PRKG1: variants seen among roughly 807,000 people sequenced by gnomAD.
PRKG1 encodes the protein cGMP-dependent protein kinase 1.
In PRKG1, 35 loss-of-function variants were observed where a neutral mutation model predicts 88.1. That is an observed-to-expected ratio of 0.40 (90% CI 0.30 to 0.53). The LOEUF (loss-of-function observed/expected upper bound fraction) is 0.53, where lower values mean the gene tolerates loss of function less well. Among genes scored for constraint, PRKG1 ranks in the 20% least tolerant of loss-of-function variants. The pLI, the probability that PRKG1 is intolerant of heterozygous loss-of-function variation, is 0.59. For missense variants in PRKG1, 540 were observed against 839.8 expected, an observed-to-expected ratio of 0.64 and a Z score of 4.41; for synonymous variants, 303 against 292.5, an observed-to-expected ratio of 1.04 and a Z score of -0.37.
At chr10:51,914,951 C>A (rs139394896) in intron 5 of PRKG1, among the ~76,000 whole-genome samples, 92 of 152,282 alleles carry the variant, frequency 6.0e-4, no homozygotes, top group African/African-American at 2.2e-3. Flanking sequence ...CATATTTCAA[C>A]TCACCCTTGC....
intron 3 of PRKG1, among the ~76,000 whole-genome samples, chr10:51,545,684 A>G (rs929626561): frequency 1.3e-5 from 2 of 152,136 alleles, no homozygotes; most frequent in African/African-American, 4.8e-5. Flanking sequence ...AGGAATTGTG[A>G]TTAGGCTTGT....
chr10:51,944,543 TG>T (rs1444724044), intron 5 of PRKG1, among the ~76,000 whole-genome samples: 5 of 152,088 alleles, frequency 3.3e-5, no homozygotes, highest in Admixed American at 2.6e-4. Context: ...TTAATTATAA[TG>T]TTAGGGTGTC....
At chr10:51,839,338 G>A (rs572111341) in intron 4 of PRKG1, among the ~76,000 whole-genome samples, 41 of 152,194 alleles carry the variant, frequency 2.7e-4, no homozygotes, top group African/African-American at 8.2e-4. Flanking sequence ...AACATTTAGC[G>A]TAGAAGCCAA....
chr10:51,433,073 C>T (rs12248673), intron 2 of PRKG1, among the ~76,000 whole-genome samples: 61,434 of 151,948 alleles, frequency 0.4, 13,198 homozygotes, highest in Non-Finnish European at 0.49. Context: ...GAACATAGCA[C>T]GCAGTGGATT....
intron 3 of PRKG1, among the ~76,000 whole-genome samples, chr10:51,603,886 T>C (rs1251269793): frequency 1.3e-5 from 2 of 152,176 alleles, no homozygotes; most frequent in Non-Finnish European, 2.9e-5. Flanking sequence ...CTCTATTGTC[T>C]TCAAGAGAGC....
At chr10:51,554,449 T>C (rs1049250931) in intron 3 of PRKG1, among the ~76,000 whole-genome samples, 2 of 149,216 alleles carry the variant, frequency 1.3e-5, no homozygotes, top group African/African-American at 4.9e-5. Context: ...TGTGTATATA[T>C]ATATCACTAA....
intron 9 of PRKG1, among the ~76,000 whole-genome samples, chr10:52,190,763 A>G (rs1292777614): frequency 1.3e-5 from 2 of 152,120 alleles, no homozygotes; most frequent in East Asian, 3.9e-4. Flanking sequence ...GAAAATTGTC[A>G]AGCAGAGAAA....
Position 51,453,383 on chromosome 10 carries a change from G to A in PRKG1, c.479-14340G>A, listed in dbSNP as rs182517236. ...GGTTTGGTTTGTTCCTGTTTCTCTA[G>A]TTCCTTGAGGTGTGATCTTAGGTTG... On this transcript the variant is annotated intron_variant, in intron 2 of 17. Coordinates refer to ENST00000373980, the MANE Select transcript of PRKG1 (RefSeq NM_006258.4). Among the ~76,000 whole-genome samples the A allele has an allele frequency of 1.3e-3, 199 of 151,952 alleles. 1 individual carries two copies. Among genetic ancestry groups the A allele is most frequent in the African/African-American group, 4.3e-3 (179 of 41,488 alleles).
intron 5 of PRKG1, among the ~76,000 whole-genome samples, chr10:52,045,317 C>T (rs1165967205): frequency 6.6e-6 from 1 of 151,754 alleles, no homozygotes; most frequent in Non-Finnish European, 1.5e-5. Flanking sequence ...CTAATGGGTA[C>T]CTCAGTAGAA....
At chr10:52,200,947 A>G (rs1485568280) in intron 9 of PRKG1, among the ~76,000 whole-genome samples, 1 of 152,074 alleles carries the variant, frequency 6.6e-6, no homozygotes, top group Non-Finnish European at 1.5e-5. Flanking sequence ...TAGATTCTAG[A>G]TATTAGCTCT....
chr10:51,150,205 G>T (rs189210174), intron 1 of PRKG1, among the ~76,000 whole-genome samples: 2 of 151,980 alleles, frequency 1.3e-5, no homozygotes, highest in Non-Finnish European at 2.9e-5. Flanking sequence ...GCTACCTTCT[G>T]GTACTTGTGA....
Position 51,692,234 on chromosome 10 carries a change from T to TA in PRKG1, c.593-112339dup, listed in dbSNP as rs397978149. ...CAAGCAAGCCCTATATTGGCCTTTT[T>TA]AAAAAAAAAAAATCACATTATGAAT... On this transcript the variant is annotated intron_variant, in intron 3 of 17. Transcript: ENST00000373980. Among the ~76,000 whole-genome samples the TA allele has an allele frequency of 6.4e-3, 950 of 148,416 alleles. 2 individuals carry two copies. The highest frequency in any genetic ancestry group is 0.01 in the Non-Finnish European group (674 of 66,638).
rs546457645 is a variant in PRKG1, at chr10:52,126,368, T to TAATA, written c.936-7465_936-7462dup. On this transcript the variant is annotated intron_variant, in intron 7 of 17. Coordinates refer to ENST00000373980, the MANE Select transcript of PRKG1 (RefSeq NM_006258.4). ...CATAATAAAGGTGGATTTTCTAATT[T>TAATA]AATAAATAAAAAGAGATAAGAAGAA... Among the ~76,000 whole-genome samples, 27 of 152,310 alleles carry TAATA rather than the reference T, an allele frequency of 1.8e-4. No homozygotes were observed. The South Asian group carries it at 5.6e-3, about 32-fold the overall frequency.
intron 1 of PRKG1, among the ~76,000 whole-genome samples, chr10:51,053,253 T>TA (rs5784855): frequency 0.9 from 133,035 of 148,512 alleles, 59,619 homozygotes; most frequent in African/African-American, 0.96. Context: ...AAATAAAAAC[T>TA]AAAAAAAAAA....
At chr10:51,721,956 G>A (rs1041854760) in intron 3 of PRKG1, among the ~76,000 whole-genome samples, 1 of 152,188 alleles carries the variant, frequency 6.6e-6, no homozygotes, top group African/African-American at 2.4e-5. Flanking sequence ...TACAGGCAGG[G>A]TGCGGTGGCT....
At chr10:52,189,168 A>G (rs188516961) in intron 9 of PRKG1, among the ~76,000 whole-genome samples, 76 of 152,310 alleles carry the variant, frequency 5.0e-4, no homozygotes, top group Middle Eastern at 3.4e-3. Flanking sequence ...CCAAGGAAGG[A>G]TATCATTCAT....
chr10:51,138,942 A>G (rs1297880555), intron 1 of PRKG1, among the ~76,000 whole-genome samples: 1 of 151,902 alleles, frequency 6.6e-6, no homozygotes, highest in Admixed American at 6.6e-5. Context: ...CTCAGCCTCC[A>G]AAGTGCTGGG....
intron 3 of PRKG1, among the ~76,000 whole-genome samples, chr10:51,607,445 C>G (rs1466625055): frequency 1.3e-5 from 2 of 152,288 alleles, no homozygotes; most frequent in East Asian, 1.9e-4. Context: ...GCTGTGGGCT[C>G]TCAGTAGCAG....
At chr10:51,846,486 C>T (rs577602011) in intron 4 of PRKG1, among the ~76,000 whole-genome samples, 9 of 152,240 alleles carry the variant, frequency 5.9e-5, no homozygotes, top group Admixed American at 5.9e-4. Context: ...GGCAGAGGTT[C>T]TACTAAATCT....
Sources: gnomAD v4.1 joint callset for allele counts (sites outside exome capture counted in the v4.1 genomes callset) on GRCh38, gnomAD v4.1.1 for gene constraint, MANE v1.5 for transcripts, NCBI Gene and HGNC (gene_info 2026-07-23, HGNC 2026-07-21) for gene names.